The following KCNH7 variants were observed in gnomAD, a reference collection of about 807,000 sequenced individuals.
KCNH7 encodes the protein voltage-gated inwardly rectifying potassium channel KCNH7.
Under a neutral mutation model 120.8 loss-of-function variants are expected in KCNH7, and 49 were observed. The observed-to-expected ratio is 0.41, with a 90% CI of 0.32 to 0.51. The LOEUF (loss-of-function observed/expected upper bound fraction) is 0.51, where lower values mean the gene tolerates loss of function less well. Among genes scored for constraint, KCNH7 ranks in the 20% least tolerant of loss-of-function variants. KCNH7 has a pLI of 0.38. For synonymous variants in KCNH7, 547 were observed against 516.1 expected (o/e 1.06, Z -0.81); for missense variants, 1,097 against 1,446.6 (o/e 0.76, Z 3.92).
At chr2:162,539,290 T>C (rs1188580100) in intron 2 of KCNH7, among the ~76,000 whole-genome samples, 6 of 152,132 alleles carry the variant, frequency 3.9e-5, no homozygotes, top group Non-Finnish European at 7.4e-5. Flanking sequence ...AAAATACATA[T>C]TGATTTTACC....
At chr2:162,644,049 G>T (rs530467822) in intron 2 of KCNH7, among the ~76,000 whole-genome samples, 4 of 152,032 alleles carry the variant, frequency 2.6e-5, no homozygotes, top group African/African-American at 9.6e-5. Context: ...TATCTTTTCT[G>T]TGGTATGTTT....
chr2:162,520,894 C>T (rs1691499956), intron 3 of KCNH7, among the ~76,000 whole-genome samples: 1 of 151,868 alleles, frequency 6.6e-6, no homozygotes, highest in Non-Finnish European at 1.5e-5. Flanking sequence ...CATCCTGCAG[C>T]TTCATCTCTG....
chr2:162,481,962 TATC>T (rs1404470030), intron 6 of KCNH7, among the ~76,000 whole-genome samples: 3 of 142,128 alleles, frequency 2.1e-5, no homozygotes, highest in African/African-American at 8.4e-5. Flanking sequence ...TCTATCTATC[TATC>T]ATCTATCTAT....
Position 162,791,064 on chromosome 2 carries a change from G to C in KCNH7, c.307+45473C>G, listed in dbSNP as rs555742267. Among the ~76,000 whole-genome samples the C allele has an allele frequency of 2.0e-5, 3 of 152,168 alleles. No individual in the cohort carries two copies. In the East Asian group the frequency reaches 5.8e-4, roughly 29 times the overall value. The stretch of plus-strand genomic sequence containing the variant: ...CGCAGATGGCATTATCTTATATAAA[G>C]AACACCCTAAAGACTATACCAACAA... On this transcript the variant is annotated intron_variant, in intron 2 of 15. Transcript: ENST00000332142.
intron 2 of KCNH7, among the ~76,000 whole-genome samples, chr2:162,612,544 T>C (rs1465449005): frequency 1.3e-5 from 2 of 152,128 alleles, no homozygotes; most frequent in African/African-American, 4.8e-5. Flanking sequence ...TGATATTGAT[T>C]GATACTATAC....
At chr2:162,455,071 G>A (rs1688912645) in intron 6 of KCNH7, among the ~76,000 whole-genome samples, 1 of 151,998 alleles carries the variant, frequency 6.6e-6, no homozygotes, top group African/African-American at 2.4e-5. Context: ...ATTGGCTATG[G>A]GTTTGTCATA....
intron 2 of KCNH7, among the ~76,000 whole-genome samples, chr2:162,711,683 A>G (rs192226206): frequency 1.3e-5 from 2 of 152,304 alleles, no homozygotes; most frequent in African/African-American, 4.8e-5. Flanking sequence ...TGGAAAGGGT[A>G]AAATATGCTC....
At chr2:162,373,703 G>C (rs1401667205) in intron 14 of KCNH7, 41 bp from the exon 15 acceptor site, 1 of 1,334,456 alleles carries the variant, frequency 7.5e-7, no homozygotes, top group Non-Finnish European at 9.8e-7. Context: ...GTCTAAAATA[G>C]TCCAGAATTT....
intron 6 of KCNH7, among the ~76,000 whole-genome samples, chr2:162,477,496 G>A (rs895668145): frequency 6.6e-6 from 1 of 152,168 alleles, no homozygotes. Context: ...AATAGAGAAG[G>A]AGGGACTTTA....
At chr2:162,391,125 T>A (rs1456833484) in intron 12 of KCNH7, among the ~76,000 whole-genome samples, 1 of 151,996 alleles carries the variant, frequency 6.6e-6, no homozygotes, top group Non-Finnish European at 1.5e-5. Flanking sequence ...CCACTGCTGA[T>A]TTACAGGCAA....
intron 2 of KCNH7, among the ~76,000 whole-genome samples, chr2:162,806,123 T>G (rs1030899177): frequency 6.6e-6 from 1 of 152,076 alleles, no homozygotes; most frequent in Non-Finnish European, 1.5e-5. Context: ...AAAAACTATA[T>G]ATTGGATACA....
chr2:162,469,918 G>A lies in KCNH7; in HGVS notation c.1129-23475C>T, dbSNP rs535672243. Among the ~76,000 whole-genome samples, 10 of 152,296 alleles carry A rather than the reference G, an allele frequency of 6.6e-5. No individual in the cohort carries two copies. In the South Asian group the frequency reaches 1.0e-3, roughly 16 times the overall value. On this transcript the variant is annotated intron_variant, in intron 6 of 15. Transcript: ENST00000332142. Reference sequence around the variant, plus strand: ...GAGACGGGGTTTCGCTGTCTTGGCCGGGCTGGTCTCCAGCTCCTGACCGCG... The same window carrying A: ...GAGACGGGGTTTCGCTGTCTTGGCCAGGCTGGTCTCCAGCTCCTGACCGCG...
At chr2:162,544,133 G>C (rs1559005924) in intron 2 of KCNH7, among the ~76,000 whole-genome samples, 1 of 152,062 alleles carries the variant, frequency 6.6e-6, no homozygotes, top group Non-Finnish European at 1.5e-5. Flanking sequence ...GCAGTGATGA[G>C]GCCCTTGGTT....
Position 162,512,573 on chromosome 2 carries a change from G to C in KCNH7, c.913+81C>G, listed in dbSNP as rs191243509. On this transcript the variant is annotated intron_variant, in intron 5 of 15. Transcript: ENST00000332142. Reference sequence around the variant, plus strand: ...CAGCATGAAGATGTTGCACTGAACAGGGCATACAGCAGGCAAGTTAACATG... The same window carrying C: ...CAGCATGAAGATGTTGCACTGAACACGGCATACAGCAGGCAAGTTAACATG... 6.1e-3 allele frequency: 7,647 copies of C among 1,253,288 alleles called. 45 individuals carry two copies. Among genetic ancestry groups the C allele is most frequent in the Non-Finnish European group, 7.6e-3 (6,479 of 857,330 alleles). 77.6% of individuals were successfully genotyped at this position (1,253,288 alleles called of 1,614,324 possible). A position where few individuals can be genotyped will look rare whatever the true frequency, so the allele number is the denominator to read the frequency against.
At chr2:162,382,422 G>A (rs1686444775) in intron 13 of KCNH7, among the ~76,000 whole-genome samples, 1 of 151,980 alleles carries the variant, frequency 6.6e-6, no homozygotes, top group African/African-American at 2.4e-5. Flanking sequence ...TCTAAATATA[G>A]CTTGGAAAGA....
intron 2 of KCNH7, among the ~76,000 whole-genome samples, chr2:162,619,580 C>T (rs984578651): frequency 5.3e-5 from 8 of 151,882 alleles, no homozygotes; most frequent in Non-Finnish European, 4.4e-5. Flanking sequence ...ACAGCACAAC[C>T]TGAAAACAAA....
chr2:162,698,794 A>G (rs1686388691), intron 2 of KCNH7, among the ~76,000 whole-genome samples: 1 of 152,088 alleles, frequency 6.6e-6, no homozygotes, highest in South Asian at 2.1e-4. Context: ...CACTTAAAAT[A>G]TTTAGTGCAT....
chr2:162,697,792 A>C (rs796596525), intron 2 of KCNH7, among the ~76,000 whole-genome samples: 19 of 152,262 alleles, frequency 1.2e-4, no homozygotes, highest in African/African-American at 4.1e-4. Flanking sequence ...AAGTGACTTA[A>C]GGAGTGGACA....
In KCNH7 at chr2:162,392,289, T is replaced by C. The variant is rs78406995; in HGVS notation, c.2710+2100A>G. 2.3e-3 allele frequency among the ~76,000 whole-genome samples: 345 copies of C among 151,870 alleles called. 2 individuals are homozygous for C. Among genetic ancestry groups the C allele is most frequent in the African/African-American group, 8.0e-3 (330 of 41,366 alleles). The stretch of plus-strand genomic sequence containing the variant: ...GTATGAATTCGTGTGTGTGTGTGTG[T>C]GCGCATGTGTGTGTATGTGTGTGTT... On this transcript the variant is annotated intron_variant, in intron 12 of 15. Transcript: ENST00000332142.
Sources: allele counts gnomAD v4.1 joint callset (sites outside exome capture counted in the v4.1 genomes callset), GRCh38; gene constraint gnomAD v4.1.1; transcripts MANE v1.5; gene names NCBI Gene and HGNC (gene_info 2026-07-23, HGNC 2026-07-21).